The following WDR5 variants were observed in gnomAD, a reference collection of about 807,000 sequenced individuals.
The protein encoded by WDR5 is WD repeat domain 5.
For synonymous variants in WDR5, 144 were observed against 161.6 expected, an observed-to-expected ratio of 0.89 and a Z score of 0.83; for missense variants, 187 against 416.9, an observed-to-expected ratio of 0.45 and a Z score of 4.80.
intron 1 of WDR5, among the ~76,000 whole-genome samples, chr9:134,138,151 G>C (rs529202313): frequency 6.6e-6 from 1 of 152,292 alleles, no homozygotes; most frequent in African/African-American, 2.4e-5. Context: ...GGAGGGGCTG[G>C]ACACCTTTTT....
At chr9:134,155,581 A>G in intron 11 of WDR5, 112 bp from the exon 12 acceptor site, 1 of 1,315,290 alleles carries the variant, frequency 7.6e-7, no homozygotes, top group South Asian at 1.3e-5. Flanking sequence ...TGGTACTTGT[A>G]CTTTTCAGAA....
rs1487688790 is a variant in WDR5 at position 134,157,832 on chromosome 9, G to A, written c.905-61G>A. ...TGGAGAAAGGTGGAGCTCAGTCTGG[G>A]ATGGCGTCCCCGACCCAGGCGCAGG... On this transcript the variant is annotated intron_variant, in intron 13 of 13. Transcript: ENST00000358625. This position sits in a 1 kb window ranked among gnomAD's most constrained non-coding sequence, Gnocchi z 5.0. 2.6e-6 allele frequency: 4 copies of A among 1,535,792 alleles called. No individual in the cohort carries two copies. The highest frequency in any genetic ancestry group is 3.6e-6 in the Non-Finnish European group (4 of 1,111,432).
At chr9:134,141,923 TACTG>T in intron 4 of WDR5, 22 bp from the exon 5 acceptor site, 2 of 1,609,304 alleles carry the variant, frequency 1.2e-6, no homozygotes, top group Non-Finnish European at 1.7e-6. Flanking sequence ...CCTGTCAAGT[TACTG>T]ACCCTGTTTT....
Position 134,154,613 on chromosome 9 carries a change from A to T in WDR5, c.707+72A>T, listed in dbSNP as rs1588179961. The T allele has an allele frequency of 9.1e-6, 14 of 1,533,490 alleles. 1 individual carries two copies. The East Asian group carries it at 3.2e-4, about 35-fold the overall frequency. The allele number at this position is 1,533,490 out of a possible 1,614,324, so 95.0% of individuals were successfully genotyped here. A position where few individuals can be genotyped will look rare whatever the true frequency, so the allele number is the denominator to read the frequency against. On this transcript the variant is annotated intron_variant, in intron 10 of 13. Coordinates refer to ENST00000358625, the MANE Select transcript of WDR5 (RefSeq NM_017588.3). ...CCAGAGACACCTGCGTGCCAGCGTG[A>T]GCCTTTGGAGAGCGTGTTGTGGGCT...
chr9:134,144,038 G>C (rs1206982582), intron 7 of WDR5, among the ~76,000 whole-genome samples: 1 of 152,242 alleles, frequency 6.6e-6, no homozygotes, highest in Non-Finnish European at 1.5e-5. Context: ...CTTTCACTTT[G>C]TGCCATCTTG....
Position 134,148,282 on chromosome 9 carries a change from T to G in WDR5, c.529-6T>G. ...TTTGTCTCTTCTTCCTCTCCTTAAT[T>G]CCTAGGTTCATTTTAATCGTGATGG... On this transcript the variant is annotated splice_polypyrimidine_tract_variant and splice_region_variant and intron_variant, in intron 7 of 13. Transcript: ENST00000358625. 6.2e-7 allele frequency: 1 copy of G among 1,603,040 alleles called. No individual in the cohort carries two copies. Among genetic ancestry groups the G allele is most frequent in the South Asian group, 1.1e-5 (1 of 90,850 alleles).
chr9:134,144,521 C>T (rs189161599), intron 7 of WDR5, among the ~76,000 whole-genome samples: 1 of 152,128 alleles, frequency 6.6e-6, no homozygotes, highest in African/African-American at 2.4e-5. Context: ...TTTTTTCTTA[C>T]GAAAGTCACG....
chr9:134,152,355 G>A lies in WDR5; in HGVS notation c.631+326G>A, dbSNP rs1006532158. Among the ~76,000 whole-genome samples, 7 of 152,324 alleles carry A rather than the reference G, an allele frequency of 4.6e-5. No individual in the cohort carries two copies. In the East Asian group the frequency reaches 7.7e-4, roughly 17 times the overall value. On this transcript the variant is annotated intron_variant, in intron 9 of 13. Coordinates refer to ENST00000358625, the MANE Select transcript of WDR5 (RefSeq NM_017588.3). ...CTCCTGGCTTCGGGCCCCTGCTGTC[G>A]TGCCAGCCTCTTGGATCATTCCTTG...
In WDR5 at chr9:134,145,096, GT is replaced by G. The variant is rs56864188; in HGVS notation, c.528+2397del. Among the ~76,000 whole-genome samples the G allele has an allele frequency of 2.5e-3, 264 of 104,712 alleles. 3 individuals are homozygous for G. Among genetic ancestry groups the G allele is most frequent in the African/African-American group, 7.8e-3 (226 of 29,154 alleles). 68.7% of individuals were successfully genotyped at this position (104,712 alleles called of 152,430 possible). The stretch of plus-strand genomic sequence containing the variant: ...ACTGCAGAGAGGTTTGTGGGGCTTT[GT>G]TTTTTTTTTTTTTTTTTTTGAAACA... On this transcript the variant is annotated intron_variant, in intron 7 of 13. Coordinates refer to ENST00000358625, the MANE Select transcript of WDR5 (RefSeq NM_017588.3).
At chr9:134,140,935 A>G in intron 3 of WDR5, 124 bp downstream of exon 3, 1 of 880,060 alleles carries the variant, frequency 1.1e-6, no homozygotes, top group South Asian at 1.5e-5. Context: ...GCTGGGGGGC[A>G]CGTAGCAGGC....
chr9:134,155,068 C>T (rs1274603133), intron 10 of WDR5, among the ~76,000 whole-genome samples: 1 of 152,198 alleles, frequency 6.6e-6, no homozygotes, highest in African/African-American at 2.4e-5. Flanking sequence ...TTGAGGATGA[C>T]CCGAGTCAGG....
At position 134,157,854 on chromosome 9, in the gene WDR5, C is replaced by T. The variant is rs779930453; in HGVS notation, c.905-39C>T. 1.2e-6 allele frequency: 2 copies of T among 1,603,078 alleles called. No homozygotes were observed. Among genetic ancestry groups the T allele is most frequent in the South Asian group, 1.1e-5 (1 of 90,862 alleles). ...TGGGATGGCGTCCCCGACCCAGGCG[C>T]AGGGATGGCTCTGGTTCTGACTGTG... On this transcript the variant is annotated intron_variant, in intron 13 of 13. Transcript: ENST00000358625. The surrounding 1 kb of genome is among the most constrained non-coding windows in gnomAD (Gnocchi z 5.0).
chr9:134,146,898 A>G lies in WDR5; in HGVS notation c.529-1390A>G, dbSNP rs560144996. Among the ~76,000 whole-genome samples the G allele has an allele frequency of 5.3e-5, 8 of 152,328 alleles. No homozygotes were observed. In the East Asian group the frequency reaches 1.4e-3, roughly 26 times the overall value. On this transcript the variant is annotated intron_variant, in intron 7 of 13. Coordinates refer to ENST00000358625, the MANE Select transcript of WDR5 (RefSeq NM_017588.3). ...TTGCAGTGAAGCAGCTGGCACGGTG[A>G]GAGCACCCTGTTGGAGCAGAAACAG... is the stretch of plus-strand genomic sequence containing the variant.
intron 8 of WDR5, among the ~76,000 whole-genome samples, chr9:134,151,293 A>T (rs1832472883): frequency 6.6e-6 from 1 of 152,188 alleles, no homozygotes; most frequent in Non-Finnish European, 1.5e-5. Flanking sequence ...GGGCCCTCCC[A>T]GAGGCGGCTT....
At chr9:134,140,080 A>G (rs1831801427) in intron 2 of WDR5, 122 bp downstream of exon 2, 1 of 1,155,592 alleles carries the variant, frequency 8.7e-7, no homozygotes, top group Non-Finnish European at 1.2e-6. Flanking sequence ...GCTAATTTTT[A>G]TTTACTGACC....
In WDR5 at chr9:134,142,432, G is replaced by T. The variant is rs1255563600; in HGVS notation, c.444+10G>T. The T allele has an allele frequency of 1.9e-6, 3 of 1,613,978 alleles. No homozygotes were observed. On this transcript the variant is annotated intron_variant, in intron 6 of 13. Coordinates refer to ENST00000358625, the MANE Select transcript of WDR5 (RefSeq NM_017588.3). ...TATTGTCTCAGGATCCGTAAGTGTG[G>T]CTGGGGTGTCTTCCCTGGGGGAGGT...
At chr9:134,136,983 G>C (rs985159003) in intron 1 of WDR5, among the ~76,000 whole-genome samples, 2 of 152,224 alleles carry the variant, frequency 1.3e-5, no homozygotes, top group Admixed American at 6.5e-5. Context: ...AGCCTGTCCA[G>C]GATCTCAGAT....
intron 11 of WDR5, 58 bp downstream of exon 11, chr9:134,155,431 G>A: frequency 6.4e-7 from 1 of 1,552,402 alleles, no homozygotes; most frequent in Non-Finnish European, 8.7e-7. Flanking sequence ...ATGGCCTCTG[G>A]TGGGGACAGA....
chr9:134,140,307 G>GC (rs1564188203), intron 2 of WDR5, among the ~76,000 whole-genome samples: 1 of 152,192 alleles, frequency 6.6e-6, no homozygotes, highest in Non-Finnish European at 1.5e-5. Context: ...AGCAAAGGGA[G>GC]CAGGGCTTCA....
Sources: gnomAD v4.1 joint callset for allele counts (sites outside exome capture counted in the v4.1 genomes callset) on GRCh38, gnomAD v4.1.1 for gene constraint, Gnocchi (gnomAD v3.1) non-coding constraint, MANE v1.5 for transcripts, NCBI Gene and HGNC (gene_info 2026-07-23, HGNC 2026-07-21) for gene names.